Variants in RNGTT observed in about 807,000 individuals in gnomAD.
RNGTT encodes RNA guanylyltransferase and 5'-phosphatase.
A neutral mutation model predicts 79.3 loss-of-function variants in RNGTT; 33 were observed. The ratio of observed to expected loss-of-function variants is 0.42; its 90% CI spans 0.32 to 0.56. The LOEUF is 0.56. Ranked by LOEUF, RNGTT falls within the 20% of genes least tolerant of loss-of-function variation. The probability of loss-of-function intolerance (pLI) is 0.17; values close to 1 mark genes in which losing one functional copy is unlikely to be tolerated. For missense variants in RNGTT, 497 were observed against 739.1 expected, an observed-to-expected ratio of 0.67 and a Z score of 3.80; for synonymous variants, 222 against 235.9, an observed-to-expected ratio of 0.94 and a Z score of 0.54.
At chr6:88,645,947 G>C (rs1423941417) in intron 14 of RNGTT, among the ~76,000 whole-genome samples, 2 of 152,162 alleles carry the variant, frequency 1.3e-5, no homozygotes, top group African/African-American at 4.8e-5. Context: ...GCATGGGCAA[G>C]GACTTCACGT....
intron 8 of RNGTT, among the ~76,000 whole-genome samples, chr6:88,858,331 A>T (rs1285567261): frequency 6.6e-6 from 1 of 152,156 alleles, no homozygotes; most frequent in Admixed American, 6.6e-5. Context: ...AATGGCACAG[A>T]CTCTCTTCTC....
At chr6:88,743,305 T>C (rs1207043527) in intron 13 of RNGTT, among the ~76,000 whole-genome samples, 1 of 146,188 alleles carries the variant, frequency 6.8e-6, no homozygotes, top group Non-Finnish European at 1.6e-5. Context: ...TTTTCTCCAA[T>C]TTTTTTTATT....
In RNGTT at chr6:88,801,636, T is replaced by A. The variant is rs1473210196; in HGVS notation, c.1270-4A>T. The stretch of plus-strand genomic sequence containing the variant: ...TGGCAAAATTTCCTTCAAGTAGCTA[T>A]AAAATAAATACACATGTATTCTTTA... On this transcript the variant is annotated splice_region_variant and splice_polypyrimidine_tract_variant and intron_variant, in intron 11 of 15. Transcript: ENST00000369485. 3 of 1,575,818 alleles carry A rather than the reference T, an allele frequency of 1.9e-6. No individual in the cohort carries two copies. Among genetic ancestry groups the A allele is most frequent in the Non-Finnish European group, 2.6e-6 (3 of 1,145,868 alleles).
intron 2 of RNGTT, among the ~76,000 whole-genome samples, chr6:88,932,541 A>T (rs1281078543): frequency 6.6e-6 from 1 of 152,020 alleles, no homozygotes; most frequent in Non-Finnish European, 1.5e-5. Flanking sequence ...ACCTGCTGAC[A>T]TGTGTCTCCC....
chr6:88,846,338 A>T (rs1302692060), intron 10 of RNGTT, among the ~76,000 whole-genome samples: 2 of 152,192 alleles, frequency 1.3e-5, no homozygotes, highest in Non-Finnish European at 2.9e-5. Context: ...AAAACCCTTT[A>T]ACAATGCCTT....
intron 6 of RNGTT, among the ~76,000 whole-genome samples, chr6:88,893,581 G>A (rs1364363741): frequency 6.6e-6 from 1 of 152,026 alleles, no homozygotes; most frequent in Non-Finnish European, 1.5e-5. Context: ...ATTTCTATGG[G>A]GTTGAAAAAG....
chr6:88,830,111 A>G (rs1023279126), intron 11 of RNGTT, among the ~76,000 whole-genome samples: 3 of 152,118 alleles, frequency 2.0e-5, no homozygotes, highest in Non-Finnish European at 2.9e-5. Flanking sequence ...ACCACATCAC[A>G]CTTATTCTAA....
chr6:88,930,408 G>A lies in RNGTT; in HGVS notation c.175-1141C>T, dbSNP rs190523949. On this transcript the variant is annotated intron_variant, in intron 2 of 15. Transcript: ENST00000369485. ...AATTTGGCCAGACACAGTGGCTCAC[G>A]CCTGTAATCTTGGCACTTTGGGAGG... 2.8e-4 allele frequency among the ~76,000 whole-genome samples: 42 copies of A among 151,904 alleles called. 1 individual carries two copies. In the East Asian group the frequency reaches 7.0e-3, roughly 25 times the overall value.
At chr6:88,779,351 A>T (rs911882711) in intron 12 of RNGTT, among the ~76,000 whole-genome samples, 1 of 152,220 alleles carries the variant, frequency 6.6e-6, no homozygotes, top group Non-Finnish European at 1.5e-5. Context: ...TTAGAAACCA[A>T]TATCAATCTA....
At chr6:88,879,856 T>C (rs1331844513) in intron 8 of RNGTT, among the ~76,000 whole-genome samples, 1 of 152,208 alleles carries the variant, frequency 6.6e-6, no homozygotes, top group Non-Finnish European at 1.5e-5. Flanking sequence ...GTTGTCAAAC[T>C]ATGATCCAAA....
intron 12 of RNGTT, among the ~76,000 whole-genome samples, chr6:88,792,920 GGA>G (rs1339689814): frequency 2.0e-5 from 3 of 152,220 alleles, no homozygotes; most frequent in African/African-American, 7.2e-5. Context: ...AGCCTATTCT[GGA>G]TGGCACCGTT....
At chr6:88,940,939 T>C in intron 2 of RNGTT, 132 bp downstream of exon 2, 2 of 546,976 alleles carry the variant, frequency 3.7e-6, no homozygotes, top group South Asian at 2.9e-5. Flanking sequence ...CAGAATTCTA[T>C]GTACAATTAC....
intron 13 of RNGTT, among the ~76,000 whole-genome samples, chr6:88,718,236 A>T (rs1776588033): frequency 6.6e-6 from 1 of 151,958 alleles, no homozygotes; most frequent in Non-Finnish European, 1.5e-5. Context: ...AAAACACAAA[A>T]ATCAGCCGGG....
intron 4 of RNGTT, among the ~76,000 whole-genome samples, chr6:88,923,691 T>C (rs144951673): frequency 6.6e-6 from 1 of 152,254 alleles, no homozygotes; most frequent in Non-Finnish European, 1.5e-5. Flanking sequence ...ACCCACCTAA[T>C]GTTAGGTGCA....
intron 13 of RNGTT, among the ~76,000 whole-genome samples, chr6:88,705,321 C>A (rs1446087500): frequency 1.3e-5 from 2 of 152,074 alleles, no homozygotes; most frequent in East Asian, 3.8e-4. Context: ...AAAAACTAAC[C>A]AGTGGTATAA....
At chr6:88,895,862 C>T (rs935045392) in intron 6 of RNGTT, among the ~76,000 whole-genome samples, 2 of 140,036 alleles carry the variant, frequency 1.4e-5, no homozygotes, top group Non-Finnish European at 3.1e-5. Context: ...GTACTCACTG[C>T]TTTAAAGCCC....
intron 8 of RNGTT, among the ~76,000 whole-genome samples, chr6:88,875,204 G>C (rs143778257): frequency 6.6e-6 from 1 of 151,748 alleles, no homozygotes; most frequent in Middle Eastern, 3.4e-3. Flanking sequence ...AAATAATAGA[G>C]TTTTTCTATT....
At chr6:88,865,430 A>C (rs1040000823) in intron 8 of RNGTT, among the ~76,000 whole-genome samples, 1 of 152,086 alleles carries the variant, frequency 6.6e-6, no homozygotes, top group Non-Finnish European at 1.5e-5. Context: ...TCCCTTTTGA[A>C]CACAGAAGAG....
chr6:88,649,552 C>G (rs567350585), intron 14 of RNGTT, among the ~76,000 whole-genome samples: 1 of 152,126 alleles, frequency 6.6e-6, no homozygotes, highest in South Asian at 2.1e-4. Context: ...AAAAAATTAG[C>G]TGGGCGTGGT....
Sources: gnomAD v4.1 joint callset for allele counts (sites outside exome capture counted in the v4.1 genomes callset) on GRCh38, gnomAD v4.1.1 for gene constraint, MANE v1.5 for transcripts, NCBI Gene and HGNC (gene_info 2026-07-23, HGNC 2026-07-21) for gene names.